SV2C: variants seen among roughly 807,000 people sequenced by gnomAD.
The protein encoded by SV2C is synaptic vesicle glycoprotein 2C.
Under a neutral mutation model 79.7 loss-of-function variants are expected in SV2C, and 49 were observed. That is an observed-to-expected ratio of 0.61 (90% CI 0.49 to 0.78). The LOEUF (loss-of-function observed/expected upper bound fraction) is 0.78, where lower values mean the gene tolerates loss of function less well. Among genes scored for constraint, SV2C ranks in the 30% least tolerant of loss-of-function variants. The probability of loss-of-function intolerance (pLI) is 0.00; values close to 1 mark genes in which losing one functional copy is unlikely to be tolerated. For missense variants in SV2C, 833 were observed against 912.9 expected, an observed-to-expected ratio of 0.91 and a Z score of 1.13; for synonymous variants, 334 against 333.2, an observed-to-expected ratio of 1.00 and a Z score of -0.03.
intron 1 of SV2C, among the ~76,000 whole-genome samples, chr5:76,127,569 G>T (rs998918103): frequency 6.6e-6 from 1 of 152,164 alleles, no homozygotes; most frequent in Middle Eastern, 3.2e-3. Flanking sequence ...TTTATCAAGT[G>T]GTTTTACAGG....
chr5:76,302,330 T>C (rs1057148675), intron 12 of SV2C, among the ~76,000 whole-genome samples: 31 of 152,000 alleles, frequency 2.0e-4, no homozygotes, highest in African/African-American at 7.0e-4. Flanking sequence ...TTTCTAGTTA[T>C]AAAAAACAAT....
intron 4 of SV2C, chr5:76,280,885 C>T: frequency 2.1e-6 from 1 of 473,740 alleles, no homozygotes; most frequent in Non-Finnish European, 4.2e-6. Flanking sequence ...GACCCAAGTT[C>T]AGCCGACAAG....
At chr5:76,052,181 T>C in the SV2C span, among the ~76,000 whole-genome samples, 20 of 152,208 alleles carry the variant, frequency 1.3e-4, 1 homozygote, top group Non-Finnish European at 2.5e-4. Flanking sequence ...ATGTTCCTTC[T>C]TCCAATCAAT....
intron 2 of SV2C, among the ~76,000 whole-genome samples, chr5:76,144,901 G>T (rs1168043817): frequency 1.3e-5 from 2 of 152,100 alleles, no homozygotes; most frequent in Non-Finnish European, 2.9e-5. Context: ...TCTGAGAAAT[G>T]AGGGAATTTT....
intron 12 of SV2C, among the ~76,000 whole-genome samples, chr5:76,308,557 A>G (rs1748290093): frequency 6.6e-6 from 1 of 152,138 alleles, no homozygotes; most frequent in South Asian, 2.1e-4. Context: ...AAAGTTTTCT[A>G]TCTTGCTAGA....
the SV2C span, among the ~76,000 whole-genome samples, chr5:76,076,247 A>G: frequency 3.3e-5 from 5 of 152,230 alleles, no homozygotes; most frequent in East Asian, 5.8e-4. Context: ...TCATATGTGT[A>G]TGGAAGCTGG....
At chr5:76,108,824 T>C (rs528810214) in intron 1 of SV2C, among the ~76,000 whole-genome samples, 6 of 152,226 alleles carry the variant, frequency 3.9e-5, no homozygotes, top group African/African-American at 1.4e-4. Context: ...GTGAAAAAAA[T>C]ATAATTTGGT....
chr5:76,193,660 G>A (rs1455877331), intron 2 of SV2C, among the ~76,000 whole-genome samples: 2 of 152,164 alleles, frequency 1.3e-5, no homozygotes, highest in Non-Finnish European at 2.9e-5. Flanking sequence ...GAAAGTCCAG[G>A]ACTTCCCAGT....
chr5:76,147,887 A>G (rs1451851438), intron 2 of SV2C, among the ~76,000 whole-genome samples: 2 of 152,110 alleles, frequency 1.3e-5, no homozygotes, highest in Non-Finnish European at 2.9e-5. Flanking sequence ...CATAATTTAA[A>G]CGCTTCCTGA....
the SV2C span, among the ~76,000 whole-genome samples, chr5:75,854,700 A>T: frequency 1.3e-5 from 2 of 152,030 alleles, no homozygotes; most frequent in South Asian, 4.1e-4. Flanking sequence ...TTTTGAAGAG[A>T]AGTTTTTTCT....
At chr5:76,322,122 C>G (rs1748848003) in intron 12 of SV2C, among the ~76,000 whole-genome samples, 1 of 152,154 alleles carries the variant, frequency 6.6e-6, no homozygotes, top group South Asian at 2.1e-4. Context: ...GTGGGCTCTT[C>G]TTATTTAAGA....
chr5:76,049,560 G>T, the SV2C span, among the ~76,000 whole-genome samples: 11 of 152,176 alleles, frequency 7.2e-5, no homozygotes, highest in Admixed American at 4.6e-4. Flanking sequence ...TCTGCAATGG[G>T]TATGGGCTGC....
chr5:75,917,099 CT>C, the SV2C span, among the ~76,000 whole-genome samples: 1 of 152,250 alleles, frequency 6.6e-6, no homozygotes, highest in Non-Finnish European at 1.5e-5. Context: ...TCCCTTCCCA[CT>C]CCTCTACGGA....
chr5:75,880,649 G>C, the SV2C span, among the ~76,000 whole-genome samples: 1 of 152,214 alleles, frequency 6.6e-6, no homozygotes, highest in East Asian at 1.9e-4. Flanking sequence ...CAGCATTTTG[G>C]TCAAAACCAC....
At chr5:75,894,574 G>T in the SV2C span, among the ~76,000 whole-genome samples, 1 of 152,056 alleles carries the variant, frequency 6.6e-6, no homozygotes, top group Admixed American at 6.6e-5. Context: ...TGGTTTCATG[G>T]AAGGCCCCAC....
intron 4 of SV2C, among the ~76,000 whole-genome samples, chr5:76,223,440 CATACATATATATATATATATAT>C (rs1462909662): frequency 5.6e-5 from 2 of 36,024 alleles, no homozygotes; most frequent in East Asian, 2.2e-3. Flanking sequence ...TATATACATA[CATACATATATATATATATATAT>C]ATATATATAT....
At chr5:75,864,246 A>G in the SV2C span, among the ~76,000 whole-genome samples, 1 of 152,188 alleles carries the variant, frequency 6.6e-6, no homozygotes, top group African/African-American at 2.4e-5. Flanking sequence ...GTTCAGAAAT[A>G]ATATAAAACT....
the SV2C span, among the ~76,000 whole-genome samples, chr5:76,073,526 T>C: frequency 1.3e-4 from 17 of 127,280 alleles, no homozygotes; most frequent in African/African-American, 5.5e-4. Flanking sequence ...TATATATATA[T>C]ATATATATAT....
At chr5:76,108,366 A>G (rs1747991899) in intron 1 of SV2C, among the ~76,000 whole-genome samples, 1 of 152,234 alleles carries the variant, frequency 6.6e-6, no homozygotes, top group African/African-American at 2.4e-5. Context: ...CTAGGGATAA[A>G]AGAGGACACA....
Sources: allele counts gnomAD v4.1 joint callset (sites outside exome capture counted in the v4.1 genomes callset), GRCh38; gene constraint gnomAD v4.1.1; transcripts MANE v1.5; gene names NCBI Gene and HGNC (gene_info 2026-07-23, HGNC 2026-07-21).